Variants in RAD54B observed in about 807,000 individuals in gnomAD.
RAD54B encodes DNA repair and recombination protein RAD54B.
RAD54B carries 78 observed loss-of-function variants against 95.8 expected under a neutral mutation model. The observed-to-expected ratio is 0.81, with a 90% CI of 0.68 to 0.98. The LOEUF (loss-of-function observed/expected upper bound fraction) is 0.98, where lower values mean the gene tolerates loss of function less well. Among genes scored for constraint, RAD54B ranks in the 50% least tolerant of loss-of-function variants. The probability of loss-of-function intolerance (pLI) is 0.00; values close to 1 mark genes in which losing one functional copy is unlikely to be tolerated. For missense variants in RAD54B, 957 were observed against 1,056.6 expected (o/e 0.91, Z 1.31); for synonymous variants, 328 against 354.9 (o/e 0.92, Z 0.85).
chr8:94,383,284 C>CAAAAAAAAA lies in RAD54B; in HGVS notation c.1986-2887_1986-2879dup, dbSNP rs34552024. Among the ~76,000 whole-genome samples the CAAAAAAAAA allele has an allele frequency of 4.8e-5, 4 of 83,160 alleles. 2 individuals carry two copies. Among genetic ancestry groups the CAAAAAAAAA allele is most frequent in the Non-Finnish European group, 8.8e-5 (4 of 45,506 alleles). 54.6% of individuals were successfully genotyped at this position (83,160 alleles called of 152,430 possible). ...TGGGCAACAGAGCAAGACTCCATCT[C>CAAAAAAAAA]AAAAAAAAAAAAAAAAAAAGCCCCA... On this transcript the variant is annotated intron_variant, in intron 11 of 14. Transcript: ENST00000336148.
chr8:94,405,124 CTT>C (rs1000347621), intron 5 of RAD54B, among the ~76,000 whole-genome samples: 1 of 152,102 alleles, frequency 6.6e-6, no homozygotes, highest in Non-Finnish European at 1.5e-5. Context: ...TCATGAACCT[CTT>C]TAAAGCAGCA....
intron 3 of RAD54B, chr8:94,429,963 C>G (rs1232286993): frequency 1.0e-4 from 103 of 985,134 alleles, no homozygotes; most frequent in Non-Finnish European, 1.2e-4. Flanking sequence ...ATCAAATTAG[C>G]CCTCTAATTC....
chr8:94,422,871 A>G (rs1811858268), intron 3 of RAD54B, among the ~76,000 whole-genome samples: 1 of 149,392 alleles, frequency 6.7e-6, no homozygotes, highest in African/African-American at 2.5e-5. Flanking sequence ...CCACTATCCT[A>G]TGTTGCCAAT....
chr8:94,407,353 T>G (rs1811415754), intron 5 of RAD54B, 86 bp downstream of exon 5: 1 of 1,366,836 alleles, frequency 7.3e-7, no homozygotes, highest in South Asian at 1.5e-5. Flanking sequence ...CTAAAACTTT[T>G]AAAACAAAAT....
chr8:94,375,810 A>T (rs1810553485), intron 14 of RAD54B, among the ~76,000 whole-genome samples: 1 of 152,156 alleles, frequency 6.6e-6, no homozygotes, highest in Non-Finnish European at 1.5e-5. Flanking sequence ...ATATATCTAG[A>T]GTGGCTTATA....
In RAD54B at chr8:94,407,482, A is replaced by G. The variant is rs1226860845; in HGVS notation, c.738T>C (p.Asn246=). The G allele has an allele frequency of 4.3e-6, 7 of 1,613,856 alleles. No homozygotes were observed. Among genetic ancestry groups the G allele is most frequent in the Non-Finnish European group, 5.9e-6 (7 of 1,179,790 alleles). ...CKPSSKENRQ[N]DFQNCKPRHD... ...GGCGTGGTTTGCAATTTTGGAAATC[A>G]TTCTGTCTATTTTCCTTTGAACTTG... Residue 246 remains asparagine (N), a synonymous_variant, in exon 5 of 15, where the codon AAT becomes AAC. Transcript: ENST00000336148.
At chr8:94,435,693 A>C (rs1201615599) in intron 3 of RAD54B, among the ~76,000 whole-genome samples, 1 of 152,112 alleles carries the variant, frequency 6.6e-6, no homozygotes, top group Non-Finnish European at 1.5e-5. Context: ...TTTAACCAAA[A>C]AATTGCTTCT....
intron 10 of RAD54B, 75 bp downstream of exon 10, chr8:94,391,534 C>T: frequency 7.0e-7 from 1 of 1,423,542 alleles, no homozygotes; most frequent in East Asian, 2.3e-5. Context: ...AGAAATTAGC[C>T]CTGTCTGCCC....
chr8:94,442,819 T>C (rs1812434362), intron 3 of RAD54B, among the ~76,000 whole-genome samples: 1 of 152,098 alleles, frequency 6.6e-6, no homozygotes, highest in Admixed American at 6.6e-5. Context: ...AGAAAATTAG[T>C]CATGCAACAC....
chr8:94,429,122 AAG>A, intron 3 of RAD54B: 1 of 984,990 alleles, frequency 1.0e-6, no homozygotes. Context: ...AGTAAACTCA[AAG>A]AGTGTGATTC....
intron 3 of RAD54B, among the ~76,000 whole-genome samples, chr8:94,457,027 G>T (rs574155351): frequency 2.3e-4 from 35 of 152,274 alleles, no homozygotes; most frequent in African/African-American, 8.4e-4. Context: ...GCAGGGAAGA[G>T]AATGAGAAAC....
chr8:94,448,716 C>G (rs1432170050), intron 3 of RAD54B, among the ~76,000 whole-genome samples: 1 of 138,078 alleles, frequency 7.2e-6, no homozygotes. Context: ...AAAGGCCAAA[C>G]ATACAGAGAT....
intron 2 of RAD54B, among the ~76,000 whole-genome samples, chr8:94,460,556 A>AT (rs1812878247): frequency 6.6e-6 from 1 of 152,140 alleles, no homozygotes; most frequent in Non-Finnish European, 1.5e-5. Context: ...ATTATGTGCT[A>AT]TTTTCTCTTT....
Position 94,411,207 on chromosome 8 carries a change from T to A in RAD54B, c.413A>T (p.His138Leu), listed in dbSNP as rs146134783. Reference sequence around the variant, plus strand: ...AACAGCATCACCTTCCCACTTTTTATGTTTTTTCTTTGAAGGCTTACACCA... The same window carrying A: ...AACAGCATCACCTTCCCACTTTTTAAGTTTTTTCTTTGAAGGCTTACACCA... Reference protein sequence around the residue: ...VVWCKPSKKKHKKWEGDAVLI... With the variant: ...VVWCKPSKKKLKKWEGDAVLI... Residue 138 changes from histidine to leucine, a missense_variant, in exon 4 of 15, where the codon CAT becomes CTT. Coordinates refer to ENST00000336148, the MANE Select transcript of RAD54B (RefSeq NM_012415.3). The A allele has an allele frequency of 2.5e-6, 4 of 1,611,780 alleles. No homozygotes were observed. In the African/African-American group the frequency reaches 4.0e-5, roughly 16 times the overall value.
At chr8:94,464,567 T>G (rs1161749217) in intron 2 of RAD54B, among the ~76,000 whole-genome samples, 1 of 152,202 alleles carries the variant, frequency 6.6e-6, no homozygotes, top group Non-Finnish European at 1.5e-5. Flanking sequence ...AAGAAATAAA[T>G]TCCTGATAAA....
chr8:94,467,354 ACATACAT>A (rs1325251401), intron 2 of RAD54B, 44 bp downstream of exon 2: 40 of 1,430,690 alleles, frequency 2.8e-5, no homozygotes, highest in Non-Finnish European at 3.7e-5. Context: ...ATTTTCTTAA[ACATACAT>A]GCTTCTCTAT....
intron 3 of RAD54B, among the ~76,000 whole-genome samples, chr8:94,441,154 G>A (rs1195281715): frequency 6.6e-6 from 1 of 152,180 alleles, no homozygotes. Context: ...ACCCTTTCAT[G>A]TGAAATCTTT....
At chr8:94,455,517 A>C (rs1812759315) in intron 3 of RAD54B, among the ~76,000 whole-genome samples, 1 of 152,238 alleles carries the variant, frequency 6.6e-6, no homozygotes, top group African/African-American at 2.4e-5. Flanking sequence ...AAAGAATCAG[A>C]AAGAATAAAA....
intron 5 of RAD54B, among the ~76,000 whole-genome samples, chr8:94,406,617 C>T (rs572946069): frequency 3.9e-5 from 6 of 152,200 alleles, no homozygotes; most frequent in East Asian, 3.9e-4. Context: ...AGTGAAGAGA[C>T]GAATCTAAAT....
Sources: gnomAD v4.1 joint callset for allele counts (sites outside exome capture counted in the v4.1 genomes callset) on GRCh38, gnomAD v4.1.1 for gene constraint, MANE v1.5 for transcripts, NCBI Gene and HGNC (gene_info 2026-07-23, HGNC 2026-07-21) for gene names.